SH2D3C: variants seen among roughly 807,000 people sequenced by gnomAD.
The protein encoded by SH2D3C is SH2 domain-containing protein 3C.
SH2D3C carries 25 observed loss-of-function variants against 75.2 expected under a neutral mutation model. The ratio of observed to expected loss-of-function variants is 0.33; its 90% CI spans 0.24 to 0.46. The LOEUF (loss-of-function observed/expected upper bound fraction) is 0.46. Ranked by LOEUF, SH2D3C falls within the 20% of genes least tolerant of loss-of-function variation. The pLI, the probability that SH2D3C is intolerant of heterozygous loss-of-function variation, is 1.00. For missense variants in SH2D3C, 933 were observed against 1,165.3 expected (o/e 0.80, Z 2.90); for synonymous variants, 450 against 473.7 (o/e 0.95, Z 0.65).
Position 127,742,958 on chromosome 9 carries a change from T to C in SH2D3C, c.1807A>G (p.Arg603Gly). The change falls in exon 8 of 12, where the codon AGG becomes GGG. Residue 603 changes from arginine to glycine, a missense_variant. Coordinates refer to ENST00000314830, the MANE Select transcript of SH2D3C (RefSeq NM_170600.3). ...ATCTCCTTGGTAACGCCCAGTATCCTAGCAACCTGCAAAGACGCCCAGAGG... is the reference window on the plus strand; with the variant it reads ...ATCTCCTTGGTAACGCCCAGTATCCCAGCAACCTGCAAAGACGCCCAGAGG... ...HVTKVDCLVA[R>G]ILGVTKEMQT... The C allele has an allele frequency of 6.2e-7, 1 of 1,612,700 alleles. No homozygotes were observed. Among genetic ancestry groups the C allele is most frequent in the Non-Finnish European group, 8.5e-7 (1 of 1,179,006 alleles).
chr9:127,739,775 C>T lies in SH2D3C; in HGVS notation c.2314G>A (p.Gly772Ser), dbSNP rs138189803. 44 of 1,602,600 alleles carry T rather than the reference C, an allele frequency of 2.7e-5. No individual in the cohort carries two copies. The highest frequency in any genetic ancestry group is 3.6e-5 in the Non-Finnish European group (42 of 1,175,734). Residue 772 changes from glycine to serine, a missense_variant, in exon 11 of 12, where the codon GGC becomes AGC. Transcript: ENST00000314830. This position sits in a 1 kb window ranked among gnomAD's most constrained non-coding sequence, Gnocchi z 4.3. ...GPEPWGSTEH[G>S]VEVVLAHLEA... Reference sequence around the variant, plus strand: ...AGGTGAGCCAGCACCACCTCCACGCCGTGCTCCGTGCTGCCCCAGGGCTCA... The same window carrying T: ...AGGTGAGCCAGCACCACCTCCACGCTGTGCTCCGTGCTGCCCCAGGGCTCA...
At chr9:127,771,544 A>G (rs1477544934) in intron 2 of SH2D3C, 2 of 377,702 alleles carry the variant, frequency 5.3e-6, no homozygotes, top group Non-Finnish European at 9.2e-6. Flanking sequence ...GCCCGGCTCC[A>G]ACGCTCGCTT....
At chr9:127,747,305 C>T (rs2233504) in intron 5 of SH2D3C, 34 bp from the exon 6 acceptor site, 25,268 of 1,597,014 alleles carry the variant, frequency 0.016, 236 homozygotes, top group Non-Finnish European at 0.019. Flanking sequence ...GCAGGGAGCC[C>T]GGAGGTCAGG....
chr9:127,745,159 C>A, intron 6 of SH2D3C, 60 bp from the exon 7 acceptor site: 1 of 1,374,924 alleles, frequency 7.3e-7, no homozygotes, highest in Non-Finnish European at 9.6e-7. Flanking sequence ...GTGAGATTCC[C>A]GCACCCCTTC....
intron 6 of SH2D3C, 88 bp from the exon 7 acceptor site, chr9:127,745,187 T>TACAAGGAGTGAGGGAGC: frequency 2.6e-6 from 3 of 1,162,712 alleles, no homozygotes; most frequent in Non-Finnish European, 3.5e-6. Flanking sequence ...ACAGGCTCCC[T>TACAAGGAGTGAGGGAGC]CACTCCTTGT....
intron 7 of SH2D3C, among the ~76,000 whole-genome samples, chr9:127,743,955 A>G (rs1844943896): frequency 1.3e-5 from 2 of 151,984 alleles, no homozygotes; most frequent in Non-Finnish European, 2.9e-5. Flanking sequence ...AAGAGGCTCT[A>G]TGGCACACTA....
chr9:127,752,238 T>G (rs1291753743), intron 3 of SH2D3C, among the ~76,000 whole-genome samples: 1 of 152,154 alleles, frequency 6.6e-6, no homozygotes, highest in Non-Finnish European at 1.5e-5. Flanking sequence ...TGGCTGTGCC[T>G]TGTGAGCTCT....
In SH2D3C at chr9:127,744,939, AAGGG is replaced by A. The variant is rs1844978534; in HGVS notation, c.1421_1424del (p.Thr474MetfsTer51). 6.3e-7 allele frequency: 1 copy of A among 1,588,702 alleles called. No homozygotes were observed. Among genetic ancestry groups the A allele is most frequent in the Admixed American group, 1.7e-5 (1 of 58,326 alleles). On this transcript the variant is annotated frameshift_variant, in exon 7 of 12. Transcript: ENST00000314830. LOFTEE classifies it high-confidence loss of function. Reference sequence around the variant, plus strand: ...GTGATGGTGACGGGGAGGCCTTGCCAAGGGTGTGGGAGGGGCTGGTGTGGGGGCC... The same window carrying A: ...GTGATGGTGACGGGGAGGCCTTGCCATGTGGGAGGGGCTGGTGTGGGGGCC...
At chr9:127,747,826 C>T (rs2131748802) in intron 5 of SH2D3C, among the ~76,000 whole-genome samples, 1 of 152,320 alleles carries the variant, frequency 6.6e-6, no homozygotes, top group Middle Eastern at 3.4e-3. Context: ...AGGCACGAGC[C>T]ACCACGCTTG....
In SH2D3C at chr9:127,745,004, C is replaced by T. The variant is rs2233510; in HGVS notation, c.1360G>A (p.Gly454Arg). The T allele has an allele frequency of 3.6e-3, 5,418 of 1,521,118 alleles. 15 individuals carry two copies. The highest frequency in any genetic ancestry group is 4.3e-3 in the Non-Finnish European group (4,888 of 1,134,766). The allele number at this position is 1,521,118 out of a possible 1,614,324, so 94.2% of individuals were successfully genotyped here. A position where few individuals can be genotyped will look rare whatever the true frequency, so the allele number is the denominator to read the frequency against. The change falls in exon 7 of 12, where the codon GGA becomes AGA. Residue 454 changes from glycine (G) to arginine (R), a missense_variant. Gly to Arg is a moderately radical substitution (Grantham distance 125, BLOSUM62 -2). Coordinates refer to ENST00000314830, the MANE Select transcript of SH2D3C (RefSeq NM_170600.3). Reference sequence around the variant, plus strand: ...TCCCCATGGGTCTTTGGGGCACTTCCGGGACACAGCTGGGGCTCACTGGAA... The same window carrying T: ...TCCCCATGGGTCTTTGGGGCACTTCTGGGACACAGCTGGGGCTCACTGGAA... ...RRSSEPQLCPGSAPKTHGESD... is the reference protein window; with the variant it reads ...RRSSEPQLCPRSAPKTHGESD...
Position 127,774,374 on chromosome 9 carries a change from T to C in SH2D3C, c.131A>G (p.His44Arg). ...RSSASISRQSHLEPDTFEATQ... is the reference protein window; with the variant it reads ...RSSASISRQSRLEPDTFEATQ... ...GGCTTCAAAGGTGTCAGGCTCCAAA[T>C]GGGACTGCCTACTGATGGAAGCTGA... Residue 44 changes from histidine to arginine, a missense_variant, in exon 2 of 12, where the codon CAT becomes CGT. His to Arg is a conservative substitution (Grantham distance 29). Coordinates refer to ENST00000314830, the MANE Select transcript of SH2D3C (RefSeq NM_170600.3). The surrounding 1 kb of genome is among the most constrained non-coding windows in gnomAD (Gnocchi z 4.3). The C allele has an allele frequency of 6.2e-7, 1 of 1,613,818 alleles. No homozygotes were observed.
Position 127,741,863 on chromosome 9 carries a change from C to T in SH2D3C, c.2013G>A (p.Leu671=). ...RAALLHKTIQ[L]AAELRGTMGN... Reference sequence around the variant, plus strand: ...CCATAGTCCCCCGCAGCTCGGCCGCCAGCTGAATGGTCTTGTGCAGCAGCG... The same window carrying T: ...CCATAGTCCCCCGCAGCTCGGCCGCTAGCTGAATGGTCTTGTGCAGCAGCG... Residue 671 remains leucine (L), a synonymous_variant, in exon 9 of 12, where the codon CTG becomes CTA. Transcript: ENST00000314830. The T allele has an allele frequency of 6.2e-7, 1 of 1,613,332 alleles. No individual in the cohort carries two copies. Among genetic ancestry groups the T allele is most frequent in the Non-Finnish European group, 8.5e-7 (1 of 1,180,022 alleles).
rs757297319 is a variant in SH2D3C, at chr9:127,757,629, TGATGATGATG to T, written c.555+3972_555+3981del. 6.2e-3 allele frequency among the ~76,000 whole-genome samples: 766 copies of T among 124,132 alleles called. 4 individuals carry two copies. Among genetic ancestry groups the T allele is most frequent in the Middle Eastern group, 0.012 (3 of 246 alleles). 81.4% of individuals were successfully genotyped at this position (124,132 alleles called of 152,430 possible). On this transcript the variant is annotated intron_variant, in intron 3 of 11. Transcript: ENST00000314830. Reference sequence around the variant, plus strand: ...ATGATGATGATGATGATGATGATGATGATGATGATGATGATGATTATTATTATTATTATTA... The same window carrying T: ...ATGATGATGATGATGATGATGATGATATGATGATTATTATTATTATTATTA...
chr9:127,762,105 C>T, intron 2 of SH2D3C: 1 of 809,560 alleles, frequency 1.2e-6, no homozygotes. Flanking sequence ...AAGTGGGGAT[C>T]AGCCCGTCCT....
rs376752607 is a variant in SH2D3C, at chr9:127,761,530, G to A, written c.555+81C>T. On this transcript the variant is annotated intron_variant, in intron 3 of 11. Coordinates refer to ENST00000314830, the MANE Select transcript of SH2D3C (RefSeq NM_170600.3). ...GGTCTGGCTCCTAACAAGGCTTGAGGAAGGGCTCTGCCCACCCGTAATGGA... is the reference window on the plus strand; with the variant it reads ...GGTCTGGCTCCTAACAAGGCTTGAGAAAGGGCTCTGCCCACCCGTAATGGA... The A allele has an allele frequency of 1.4e-5, 14 of 1,005,552 alleles. No individual in the cohort carries two copies. The African/African-American group carries it at 2.3e-4, about 16-fold the overall frequency. The allele number at this position is 1,005,552 out of a possible 1,614,324, so 62.3% of individuals were successfully genotyped here. A position where few individuals can be genotyped will look rare whatever the true frequency, so the allele number is the denominator to read the frequency against.
intron 7 of SH2D3C, 131 bp downstream of exon 7, chr9:127,744,433 G>T: frequency 1.7e-6 from 2 of 1,185,160 alleles, no homozygotes; most frequent in Non-Finnish European, 2.4e-6. Context: ...CACAGAGCAG[G>T]CAAAGGACAG....
chr9:127,760,468 T>C (rs1845499485), intron 3 of SH2D3C, among the ~76,000 whole-genome samples: 2 of 152,082 alleles, frequency 1.3e-5, no homozygotes, highest in South Asian at 2.1e-4. Context: ...AGGGGAGGGA[T>C]AGCATTAGGA....
intron 2 of SH2D3C, among the ~76,000 whole-genome samples, chr9:127,764,582 C>A (rs1405791389): frequency 3.3e-5 from 5 of 152,324 alleles, no homozygotes; most frequent in African/African-American, 1.2e-4. Context: ...CACACTCCCC[C>A]TCACCTGCGC....
chr9:127,751,241 C>T lies in SH2D3C; in HGVS notation c.615G>A (p.Glu205=), dbSNP rs756567065. 1 of 1,613,950 alleles carries T rather than the reference C, an allele frequency of 6.2e-7. No individual in the cohort carries two copies. The highest frequency in any genetic ancestry group is 1.6e-4 in the Middle Eastern group (1 of 6,062). ...SSPEKLHKEL[E]EELKLSSTDL... ...CCGTGCTGCTGAGTTTGAGCTCCTC[C>T]TCCAATTCCTTGTGGAGTTTCTCTG... The change falls in exon 4 of 12, where the codon GAG becomes GAA. Residue 205 remains glutamate (E), a synonymous_variant. Transcript: ENST00000314830. This position sits in a 1 kb window ranked among gnomAD's most constrained non-coding sequence, Gnocchi z 4.1.
Sources: gnomAD v4.1 joint callset for allele counts (sites outside exome capture counted in the v4.1 genomes callset) on GRCh38, gnomAD v4.1.1 for gene constraint, Gnocchi (gnomAD v3.1) non-coding constraint, MANE v1.5 for transcripts, NCBI Gene and HGNC (gene_info 2026-07-23, HGNC 2026-07-21) for gene names.